MPDZ: variants seen among roughly 807,000 people sequenced by gnomAD.
The protein encoded by MPDZ is multiple PDZ domain crumbs cell polarity complex component, also known as multiple PDZ domain protein.
In MPDZ, 234 loss-of-function variants were observed where a neutral mutation model predicts 239.1. The observed-to-expected ratio is 0.98, with a 90% CI of 0.88 to 1.09. The LOEUF (loss-of-function observed/expected upper bound fraction) is 1.09. Ranked by LOEUF, MPDZ falls within the 50% of genes least tolerant of loss-of-function variation. The pLI is 0.00. For missense variants in MPDZ, 3,175 were observed against 2,510.0 expected (o/e 1.26, Z -5.66); for synonymous variants, 1,048 against 881.3 (o/e 1.19, Z -3.35).
intron 1 of MPDZ, among the ~76,000 whole-genome samples, chr9:13,259,488 C>T (rs1269181367): frequency 6.6e-6 from 1 of 152,020 alleles, no homozygotes; most frequent in African/African-American, 2.4e-5. Context: ...GATGATACAA[C>T]CTGGGAACTC....
At chr9:13,261,094 G>A (rs1024592911) in intron 1 of MPDZ, among the ~76,000 whole-genome samples, 1 of 152,170 alleles carries the variant, frequency 6.6e-6, no homozygotes, top group African/African-American at 2.4e-5. Context: ...AATATTGAGA[G>A]AATAAGTCAA....
At position 13,115,262 on chromosome 9, in the gene MPDZ, A is replaced by G. The variant is rs751992572; in HGVS notation, c.5452T>C (p.Ser1818Pro). Residue 1818 changes from serine (S) to proline (P), a missense_variant, in exon 40 of 47, where the codon TCT (serine) becomes CCT (proline). Coordinates refer to ENST00000319217, the MANE Select transcript of MPDZ (RefSeq NM_001378778.1). ...CAGCTACCCACCTGGCTGCTTTGAG[A>G]TGGCCTCCTCTCTGAATGGAATGGA... is the stretch of plus-strand genomic sequence containing the variant. ...AGPFHSERRP[S>P]QSSQVSEGSL... 3.7e-6 allele frequency: 6 copies of G among 1,612,486 alleles called. No individual in the cohort carries two copies. Among genetic ancestry groups the G allele is most frequent in the Non-Finnish European group, 5.1e-6 (6 of 1,179,722 alleles).
rs929228548 is a variant in MPDZ at position 13,279,671 on chromosome 9, A to C, written c.-329T>G. ...CTTGCGCCGACCGGGGCTGCCGCGGAGGCGGTGGCGGGGCCCAGGCTGCTG... is the reference window on the plus strand; with the variant it reads ...CTTGCGCCGACCGGGGCTGCCGCGGCGGCGGTGGCGGGGCCCAGGCTGCTG... On this transcript the variant is annotated 5_prime_UTR_variant, in exon 1 of 47. Transcript: ENST00000319217. 6 of 150,446 alleles carry C rather than the reference A, an allele frequency of 4.0e-5. No individual in the cohort carries two copies. Among genetic ancestry groups the C allele is most frequent in the Non-Finnish European group, 8.9e-5 (6 of 67,598 alleles). 9.3% of individuals were successfully genotyped at this position (150,446 alleles called of 1,614,324 possible).
intron 34 of MPDZ, 115 bp from the exon 35 acceptor site, chr9:13,125,505 A>G (rs1174705002): frequency 2.2e-6 from 2 of 901,740 alleles, no homozygotes; most frequent in Non-Finnish European, 3.2e-6. Context: ...GGGGAGGGAC[A>G]GATGCAAATT....
intron 1 of MPDZ, among the ~76,000 whole-genome samples, chr9:13,269,481 T>A (rs1328301024): frequency 3.3e-5 from 5 of 152,060 alleles, no homozygotes; most frequent in Non-Finnish European, 7.4e-5. Context: ...TCCTGCAAGC[T>A]CCAAGATGAA....
At chr9:13,211,845 C>T (rs1415091150) in intron 10 of MPDZ, among the ~76,000 whole-genome samples, 2 of 151,922 alleles carry the variant, frequency 1.3e-5, no homozygotes, top group African/African-American at 4.8e-5. Flanking sequence ...AAATTTTAAA[C>T]CATAAACTAT....
chr9:13,202,551 G>A (rs900100656), intron 12 of MPDZ, among the ~76,000 whole-genome samples: 2 of 152,166 alleles, frequency 1.3e-5, no homozygotes, highest in African/African-American at 2.4e-5. Flanking sequence ...CAGTCACTGT[G>A]ATCAGTGCCT....
chr9:13,126,971 C>T (rs1000326636), intron 32 of MPDZ, among the ~76,000 whole-genome samples, 199 bp from the exon 33 acceptor site: 1 of 152,156 alleles, frequency 6.6e-6, no homozygotes, highest in African/African-American at 2.4e-5. Context: ...ATAAATTTTC[C>T]TCCATCAAAC....
chr9:13,205,239 T>C (rs755430679), intron 11 of MPDZ, 132 bp from the exon 12 acceptor site: 11 of 484,762 alleles, frequency 2.3e-5, no homozygotes, highest in South Asian at 4.6e-5. Flanking sequence ...TCAATAACTA[T>C]ATGTACTTAA....
intron 24 of MPDZ, among the ~76,000 whole-genome samples, chr9:13,153,688 G>C (rs1238601119): frequency 6.6e-6 from 1 of 152,116 alleles, no homozygotes; most frequent in South Asian, 2.1e-4. Context: ...AAATGAGTTA[G>C]TAAGTTTAGC....
intron 19 of MPDZ, among the ~76,000 whole-genome samples, chr9:13,179,929 C>T (rs906270187): frequency 1.4e-4 from 21 of 152,190 alleles, no homozygotes; most frequent in Admixed American, 9.2e-4. Context: ...CCTTATTATA[C>T]ATTTAAAAAA....
Position 13,216,683 on chromosome 9 carries a change from G to C in MPDZ, c.1290+91C>G. On this transcript the variant is annotated intron_variant, in intron 10 of 46. Transcript: ENST00000319217. ...CCAAAAAAGCTTAAATTAGTACAGA[G>C]TTAACTCTAGCTCTCAAAACTAAGT... The C allele has an allele frequency of 3.3e-6, 3 of 917,720 alleles. No individual in the cohort carries two copies. In the South Asian group the frequency reaches 5.1e-5, roughly 16 times the overall value. The allele number at this position is 917,720 out of a possible 1,614,324, so 56.8% of individuals were successfully genotyped here.
chr9:13,126,169 A>C (rs1407510164), intron 34 of MPDZ, among the ~76,000 whole-genome samples: 1 of 152,252 alleles, frequency 6.6e-6, no homozygotes, highest in Non-Finnish European at 1.5e-5. Context: ...CTGTTTATAA[A>C]GTAGTATACA....
chr9:13,272,741 A>G (rs955813450), intron 1 of MPDZ, among the ~76,000 whole-genome samples: 1 of 151,806 alleles, frequency 6.6e-6, no homozygotes, highest in African/African-American at 2.4e-5. Flanking sequence ...AAGAAAATGA[A>G]TGCTGTCCAG....
chr9:13,177,392 A>ATGC (rs368651744), intron 19 of MPDZ, among the ~76,000 whole-genome samples: 24 of 152,296 alleles, frequency 1.6e-4, no homozygotes, highest in African/African-American at 5.8e-4. Flanking sequence ...CCCAGTAAAA[A>ATGC]TGGCTAGCAT....
intron 27 of MPDZ, among the ~76,000 whole-genome samples, chr9:13,140,609 C>T (rs1947526202): frequency 6.6e-6 from 1 of 151,312 alleles, no homozygotes. Flanking sequence ...CTTTTATTTG[C>T]TATTTTAAGC....
At chr9:13,109,148 C>A in intron 45 of MPDZ, 89 bp from the exon 46 acceptor site, 1 of 1,056,364 alleles carries the variant, frequency 9.5e-7, no homozygotes, top group Non-Finnish European at 1.2e-6. Context: ...CCACCTAGAG[C>A]TAGCATAATT....
chr9:13,128,724 T>C (rs1278806931), intron 32 of MPDZ, among the ~76,000 whole-genome samples: 2 of 152,224 alleles, frequency 1.3e-5, no homozygotes, highest in African/African-American at 2.4e-5. Flanking sequence ...ATGATCTGAA[T>C]TGATTCAATT....
rs796729328 is a variant in MPDZ, at chr9:13,272,967, G to C, written c.-58+6433C>G. Among the ~76,000 whole-genome samples, 4 of 152,264 alleles carry C rather than the reference G, an allele frequency of 2.6e-5. 1 individual carries two copies. The highest frequency in any genetic ancestry group is 9.6e-5 in the African/African-American group (4 of 41,532). ...ACCCCCAAAGTAATGGTATTAGGGGGTGGGGTCTTTGGGAGGCAATTAGAT... is the reference window on the plus strand; with the variant it reads ...ACCCCCAAAGTAATGGTATTAGGGGCTGGGGTCTTTGGGAGGCAATTAGAT... On this transcript the variant is annotated intron_variant, in intron 1 of 46. Transcript: ENST00000319217.
Sources: allele counts gnomAD v4.1 joint callset (sites outside exome capture counted in the v4.1 genomes callset), GRCh38; gene constraint gnomAD v4.1.1; transcripts MANE v1.5; gene names NCBI Gene and HGNC (gene_info 2026-07-23, HGNC 2026-07-21).